SWT1: variants seen among roughly 807,000 people sequenced by gnomAD.
The protein encoded by SWT1 is transcriptional protein SWT1.
A neutral mutation model predicts 107.3 loss-of-function variants in SWT1; 33 were observed. The observed-to-expected ratio is 0.31, with a 90% confidence interval of 0.23 to 0.41. The LOEUF (loss-of-function observed/expected upper bound fraction) is 0.41. Among genes scored for constraint, SWT1 ranks in the 10% least tolerant of loss-of-function variants. SWT1 has a pLI of 1.00. For synonymous variants in SWT1, 345 were observed against 348.3 expected (o/e 0.99, Z 0.11); for missense variants, 898 against 1,028.9 (o/e 0.87, Z 1.74).
chr1:185,169,831 A>G (rs971897533), intron 4 of SWT1, among the ~76,000 whole-genome samples: 2 of 151,986 alleles, frequency 1.3e-5, no homozygotes, highest in African/African-American at 2.4e-5. Context: ...GGGAACATCA[A>G]TGCAACACAC....
intron 13 of SWT1, among the ~76,000 whole-genome samples, chr1:185,212,879 CT>C (rs771150338): frequency 6.6e-6 from 1 of 151,420 alleles, no homozygotes; most frequent in Non-Finnish European, 1.5e-5. Flanking sequence ...TGTGTACTAT[CT>C]TTTAATAATA....
At chr1:185,175,202 G>GTTT (rs377403489) in intron 5 of SWT1, 89 bp downstream of exon 5, 404 of 721,754 alleles carry the variant, frequency 5.6e-4, no homozygotes, top group East Asian at 1.0e-3. Context: ...ATTTTTTTCT[G>GTTT]TTTTTTTTTT....
At chr1:185,277,693 C>A (rs1408271337) in intron 18 of SWT1, among the ~76,000 whole-genome samples, 1 of 152,172 alleles carries the variant, frequency 6.6e-6, no homozygotes, top group South Asian at 2.1e-4. Context: ...TTTTCAAGAA[C>A]AACTGATATA....
chr1:185,277,512 A>G (rs1664322920), intron 18 of SWT1, among the ~76,000 whole-genome samples: 1 of 151,240 alleles, frequency 6.6e-6, no homozygotes. Context: ...CTGGTCTTGA[A>G]CTCCTGACCT....
intron 10 of SWT1, among the ~76,000 whole-genome samples, chr1:185,202,040 G>A (rs1212380184): frequency 6.6e-6 from 1 of 152,008 alleles, no homozygotes; most frequent in Non-Finnish European, 1.5e-5. Flanking sequence ...AAGCCTACTG[G>A]CCTCCAGAAC....
At chr1:185,206,884 C>A in intron 13 of SWT1, 121 bp downstream of exon 13, 2 of 651,676 alleles carry the variant, frequency 3.1e-6, no homozygotes, top group Non-Finnish European at 4.7e-6. Context: ...ATCATTTATA[C>A]TTCTAATTTA....
chr1:185,275,834 C>A (rs763952327), intron 17 of SWT1, among the ~76,000 whole-genome samples: 2 of 152,114 alleles, frequency 1.3e-5, no homozygotes, highest in Non-Finnish European at 2.9e-5. Context: ...TGATAAGAAT[C>A]TTTAAATTAG....
intron 9 of SWT1, among the ~76,000 whole-genome samples, chr1:185,187,921 G>A (rs776897997): frequency 1.3e-5 from 2 of 152,212 alleles, no homozygotes; most frequent in Non-Finnish European, 2.9e-5. Context: ...TCGATCTCCT[G>A]ACCTCAGGTG....
intron 16 of SWT1, among the ~76,000 whole-genome samples, chr1:185,257,500 CCGGT>C (rs1331509872): frequency 6.6e-6 from 1 of 152,154 alleles, no homozygotes; most frequent in East Asian, 1.9e-4. Flanking sequence ...GTTTTTTAAG[CCGGT>C]CGGAAAAGCG....
intron 4 of SWT1, among the ~76,000 whole-genome samples, chr1:185,173,089 T>A (rs2102339217): frequency 6.6e-6 from 1 of 151,852 alleles, no homozygotes; most frequent in South Asian, 2.1e-4. Flanking sequence ...ATTGTTATTA[T>A]TAGCATGTCT....
chr1:185,252,796 A>G (rs1175738340), intron 16 of SWT1, among the ~76,000 whole-genome samples: 10 of 151,754 alleles, frequency 6.6e-5, no homozygotes, highest in African/African-American at 1.7e-4. Context: ...ATTAGATCCC[A>G]TTTGTCAATT....
intron 7 of SWT1, among the ~76,000 whole-genome samples, 178 bp from the exon 8 acceptor site, chr1:185,184,065 G>T (rs1308552237): frequency 6.6e-6 from 1 of 152,170 alleles, no homozygotes; most frequent in East Asian, 1.9e-4. Context: ...ACAAGGATAC[G>T]GGCCGGATAG....
At chr1:185,249,774 G>T (rs1245151105) in intron 16 of SWT1, among the ~76,000 whole-genome samples, 4 of 152,290 alleles carry the variant, frequency 2.6e-5, no homozygotes, top group South Asian at 2.1e-4. Context: ...CAGCCTGACT[G>T]CCTGGGAATT....
chr1:185,178,223 G>A (rs937197265), intron 5 of SWT1, among the ~76,000 whole-genome samples: 3 of 152,176 alleles, frequency 2.0e-5, no homozygotes, highest in African/African-American at 7.2e-5. Context: ...TAATGGCACA[G>A]AGTTGTAAAA....
intron 10 of SWT1, among the ~76,000 whole-genome samples, chr1:185,197,889 C>T (rs1268530169): frequency 6.6e-6 from 1 of 152,100 alleles, no homozygotes; most frequent in Non-Finnish European, 1.5e-5. Context: ...AAAAAACCAG[C>T]TCCTGGATTC....
At chr1:185,188,864 G>T (rs1256404019) in intron 9 of SWT1, among the ~76,000 whole-genome samples, 1 of 152,196 alleles carries the variant, frequency 6.6e-6, no homozygotes, top group Non-Finnish European at 1.5e-5. Flanking sequence ...TTGGGGTATG[G>T]TCCTGCATTC....
intron 16 of SWT1, among the ~76,000 whole-genome samples, chr1:185,243,194 C>T (rs900360346): frequency 6.6e-6 from 1 of 152,122 alleles, no homozygotes; most frequent in African/African-American, 2.4e-5. Context: ...CTGCAACTTC[C>T]ACCTCCTGGG....
intron 13 of SWT1, among the ~76,000 whole-genome samples, 179 bp downstream of exon 13, chr1:185,206,942 A>G (rs1419284035): frequency 1.3e-5 from 2 of 152,198 alleles, no homozygotes; most frequent in Non-Finnish European, 2.9e-5. Context: ...TCATAGAGCT[A>G]TGTATTTGTG....
intron 14 of SWT1, among the ~76,000 whole-genome samples, chr1:185,219,732 T>G (rs1659494128): frequency 6.6e-6 from 1 of 152,184 alleles, no homozygotes; most frequent in South Asian, 2.1e-4. Context: ...TTTATCTCTT[T>G]TACTGTGCTT....
Sources: allele counts gnomAD v4.1 joint callset (sites outside exome capture counted in the v4.1 genomes callset), GRCh38; gene constraint gnomAD v4.1.1; transcripts MANE v1.5; gene names NCBI Gene and HGNC (gene_info 2026-07-23, HGNC 2026-07-21).